PTPRD: variants seen among roughly 807,000 people sequenced by gnomAD.
The protein encoded by PTPRD is receptor-type tyrosine-protein phosphatase delta.
PTPRD carries 34 observed loss-of-function variants against 214.5 expected under a neutral mutation model. That is an observed-to-expected ratio of 0.16 (90% confidence interval 0.12 to 0.21). PTPRD has a LOEUF of 0.21. Among genes scored for constraint, PTPRD ranks in the 10% least tolerant of loss-of-function variants. The probability of loss-of-function intolerance (pLI) is 1.00; values close to 1 mark genes in which losing one functional copy is unlikely to be tolerated. For synonymous variants in PTPRD, 1,128 were observed against 845.7 expected, an observed-to-expected ratio of 1.33 and a Z score of -5.79; for missense variants, 2,545 against 2,398.7, an observed-to-expected ratio of 1.06 and a Z score of -1.27.
intron 11 of PTPRD, among the ~76,000 whole-genome samples, chr9:8,943,235 C>T (rs1158178157): frequency 2.0e-5 from 3 of 151,936 alleles, no homozygotes; most frequent in Non-Finnish European, 4.4e-5. Flanking sequence ...CAATCTCTAT[C>T]AAAATACCAA....
At chr9:8,859,457 ATTAGAAACTTGGTC>A (rs1347197607) in intron 11 of PTPRD, among the ~76,000 whole-genome samples, 1 of 152,208 alleles carries the variant, frequency 6.6e-6, no homozygotes, top group Non-Finnish European at 1.5e-5. Context: ...ATCAAAATTT[ATTAGAAACTTGGTC>A]AGAAAGGTTA....
At chr9:9,347,825 C>A (rs1435406800) in intron 9 of PTPRD, among the ~76,000 whole-genome samples, 3 of 152,086 alleles carry the variant, frequency 2.0e-5, no homozygotes, top group African/African-American at 7.2e-5. Flanking sequence ...TCTGTAAAGG[C>A]ACTAAGCAAT....
chr9:9,276,551 C>T (rs1945723166), intron 9 of PTPRD, among the ~76,000 whole-genome samples: 1 of 151,262 alleles, frequency 6.6e-6, no homozygotes, highest in African/African-American at 2.4e-5. Context: ...TATCATCGTC[C>T]TCAGTCACTG....
At position 9,631,522 on chromosome 9, in the gene PTPRD, T is replaced by A. The variant is rs189231239; in HGVS notation, c.-286-56741A>T. Among the ~76,000 whole-genome samples, 35 of 152,302 alleles carry A rather than the reference T, an allele frequency of 2.3e-4. 1 individual carries two copies. The highest frequency in any genetic ancestry group is 8.2e-4 in the African/African-American group (34 of 41,576). ...TCTTTATTCAAAGTATAGGGCCTTT[T>A]TTTCTTGTTTTCTAAACATAGTCTG... On this transcript the variant is annotated intron_variant, in intron 7 of 45. Transcript: ENST00000381196.
chr9:10,520,738 A>G (rs1009719096), intron 2 of PTPRD, among the ~76,000 whole-genome samples: 1 of 151,914 alleles, frequency 6.6e-6, no homozygotes, highest in Admixed American at 6.6e-5. Context: ...ACCATTCCCC[A>G]TATCCTAGGG....
intron 8 of PTPRD, among the ~76,000 whole-genome samples, chr9:9,482,499 A>G (rs1378749219): frequency 6.6e-6 from 1 of 152,166 alleles, no homozygotes; most frequent in South Asian, 2.1e-4. Flanking sequence ...CTTTTCTTTC[A>G]TTGTCCAGAT....
chr9:8,922,580 G>A (rs1392672423), intron 11 of PTPRD, among the ~76,000 whole-genome samples: 1 of 152,132 alleles, frequency 6.6e-6, no homozygotes, highest in Non-Finnish European at 1.5e-5. Flanking sequence ...GGCCTAATAG[G>A]CAGGGATGCA....
chr9:9,678,178 A>C (rs929988707), intron 7 of PTPRD, among the ~76,000 whole-genome samples: 6 of 152,158 alleles, frequency 3.9e-5, no homozygotes, highest in Non-Finnish European at 7.4e-5. Context: ...CATCCCCATC[A>C]AGCTACCAAT....
At chr9:8,501,166 A>T (rs2097397205) in intron 23 of PTPRD, 107 bp from the exon 24 acceptor site, 1 of 808,960 alleles carries the variant, frequency 1.2e-6, no homozygotes, top group Admixed American at 2.9e-5. Context: ...AACGAACAAT[A>T]AGGACAAAAT....
chr9:10,280,094 T>C (rs1301395771), intron 3 of PTPRD, among the ~76,000 whole-genome samples: 1 of 152,182 alleles, frequency 6.6e-6, no homozygotes, highest in Non-Finnish European at 1.5e-5. Context: ...TAAACCATTA[T>C]ATATACATAA....
chr9:9,012,782 G>C (rs1164325588), intron 11 of PTPRD, among the ~76,000 whole-genome samples: 13 of 152,140 alleles, frequency 8.5e-5, no homozygotes. Flanking sequence ...ATATGAGGGT[G>C]TATATTCTTG....
At chr9:8,825,474 T>C (rs1022173259) in intron 11 of PTPRD, among the ~76,000 whole-genome samples, 2 of 152,206 alleles carry the variant, frequency 1.3e-5, no homozygotes, top group Admixed American at 6.5e-5. Context: ...AAATATGCTC[T>C]AAATTTTTTT....
chr9:8,576,622 C>T (rs747664712), intron 14 of PTPRD, among the ~76,000 whole-genome samples: 1 of 116,892 alleles, frequency 8.6e-6, no homozygotes, highest in Non-Finnish European at 1.7e-5. Context: ...TACAGCAAGG[C>T]TAATGCAGCA....
At chr9:8,492,742 T>G (rs1333595388) in intron 27 of PTPRD, 120 bp downstream of exon 27, 9 of 611,940 alleles carry the variant, frequency 1.5e-5, no homozygotes, top group Non-Finnish European at 2.1e-5. Context: ...ACACAAAAGT[T>G]GACCATAGTC....
intron 2 of PTPRD, among the ~76,000 whole-genome samples, chr9:10,547,113 A>G (rs931573422): frequency 2.0e-5 from 3 of 152,088 alleles, no homozygotes; most frequent in Non-Finnish European, 2.9e-5. Context: ...TCTTATTTCA[A>G]GTCAACCTAT....
At chr9:10,163,138 T>G (rs562272030) in intron 3 of PTPRD, among the ~76,000 whole-genome samples, 2 of 147,442 alleles carry the variant, frequency 1.4e-5, no homozygotes, top group South Asian at 2.1e-4. Context: ...CTTATTCTAC[T>G]GAGTGTCATT....
At chr9:10,437,646 T>A (rs1204332885) in intron 2 of PTPRD, among the ~76,000 whole-genome samples, 3 of 151,692 alleles carry the variant, frequency 2.0e-5, no homozygotes, top group African/African-American at 7.3e-5. Context: ...CTTTTTAATA[T>A]CTGTTATTGA....
chr9:8,853,043 C>G (rs1320023639), intron 11 of PTPRD, among the ~76,000 whole-genome samples: 1 of 151,878 alleles, frequency 6.6e-6, no homozygotes, highest in Non-Finnish European at 1.5e-5. Context: ...TATAAATAAA[C>G]TGTTAAGAGA....
rs147117349 is a variant in PTPRD at position 10,472,928 on chromosome 9, A to G, written c.-599-131911T>C. Among the ~76,000 whole-genome samples the G allele has an allele frequency of 5.1e-3, 772 of 152,178 alleles. 1 individual carries two copies. Among genetic ancestry groups the G allele is most frequent in the African/African-American group, 0.018 (732 of 41,554 alleles). ...ATTTAAAAACAATTAAAAGTGAGTT[A>G]AGCAAGAGATTATATTGCATATAAA... is the stretch of plus-strand genomic sequence containing the variant. On this transcript the variant is annotated intron_variant, in intron 2 of 45. Coordinates refer to ENST00000381196, the MANE Select transcript of PTPRD (RefSeq NM_002839.4).
Sources: allele counts gnomAD v4.1 joint callset (sites outside exome capture counted in the v4.1 genomes callset), GRCh38; gene constraint gnomAD v4.1.1; transcripts MANE v1.5; gene names NCBI Gene and HGNC (gene_info 2026-07-23, HGNC 2026-07-21).